TBC1D23: variants seen among roughly 807,000 people sequenced by gnomAD.
The protein encoded by TBC1D23 is TBC1 domain family member 23.
A neutral mutation model predicts 91.4 loss-of-function variants in TBC1D23; 55 were observed. The ratio of observed to expected loss-of-function variants is 0.60; its 90% CI spans 0.48 to 0.75. The LOEUF (loss-of-function observed/expected upper bound fraction) is 0.75. TBC1D23 is among the 30% of genes least tolerant of loss of function. The pLI is 0.00. For synonymous variants in TBC1D23, 289 were observed against 281.0 expected (o/e 1.03, Z -0.28); for missense variants, 725 against 836.1 (o/e 0.87, Z 1.64).
chr3:100,320,531 TTTA>T (rs1297918940), intron 17 of TBC1D23, among the ~76,000 whole-genome samples: 2 of 152,108 alleles, frequency 1.3e-5, no homozygotes, highest in Non-Finnish European at 2.9e-5. Flanking sequence ...TATGGAACTT[TTTA>T]TTATATTTAT....
At chr3:100,297,872 A>G (rs759217634) in intron 8 of TBC1D23, 51 bp from the exon 9 acceptor site, 4 of 1,455,030 alleles carry the variant, frequency 2.7e-6, no homozygotes, top group Non-Finnish European at 2.8e-6. Flanking sequence ...ATTTTTAGGA[A>G]GAAAGTTTGA....
chr3:100,280,553 C>T (rs2067685583), intron 2 of TBC1D23, among the ~76,000 whole-genome samples: 1 of 152,096 alleles, frequency 6.6e-6, no homozygotes, highest in Admixed American at 6.6e-5. Flanking sequence ...TGTTACCTAC[C>T]ACCTATAGGT....
At position 100,324,549 on chromosome 3, in the gene TBC1D23, C is replaced by G. The variant is rs924535522; in HGVS notation, c.*881C>G. On this transcript the variant is annotated 3_prime_UTR_variant, in exon 19 of 19. Transcript: ENST00000394144. ...ACAGTAATATCCACTTATATAAATG[C>G]CAAATAATCAGAGAGCTTATAAAGT... The G allele has an allele frequency of 6.6e-6, 1 of 152,116 alleles. No homozygotes were observed. Among genetic ancestry groups the G allele is most frequent in the Admixed American group, 6.5e-5 (1 of 15,270 alleles). 9.4% of individuals were successfully genotyped at this position (152,116 alleles called of 1,614,324 possible).
In TBC1D23 at chr3:100,260,992, G is replaced by C. The variant is rs767667515; in HGVS notation, c.-27G>C. On this transcript the variant is annotated 5_prime_UTR_variant, in exon 1 of 19. Coordinates refer to ENST00000394144, the MANE Select transcript of TBC1D23 (RefSeq NM_001199198.3). ...GGTCTCAGCGCCGGATCCACTTTTC[G>C]GCAAAGTGACGTGGACGTCAACAGC... is the stretch of plus-strand genomic sequence containing the variant. 12 of 1,610,584 alleles carry C rather than the reference G, an allele frequency of 7.5e-6. No individual in the cohort carries two copies. The South Asian group carries it at 1.1e-4, about 15-fold the overall frequency.
At chr3:100,299,850 A>G (rs1000033394) in intron 10 of TBC1D23, among the ~76,000 whole-genome samples, 2 of 152,214 alleles carry the variant, frequency 1.3e-5, no homozygotes. Flanking sequence ...GTTGAAAACA[A>G]TGCTCACTAT....
chr3:100,305,230 G>A (rs998945336), intron 12 of TBC1D23, among the ~76,000 whole-genome samples: 4 of 152,120 alleles, frequency 2.6e-5, no homozygotes, highest in Non-Finnish European at 4.4e-5. Flanking sequence ...ACTTTTTATA[G>A]TATACCCTTT....
At chr3:100,271,196 A>G (rs1262195479) in intron 1 of TBC1D23, among the ~76,000 whole-genome samples, 1 of 152,162 alleles carries the variant, frequency 6.6e-6, no homozygotes, top group Non-Finnish European at 1.5e-5. Context: ...GGTGAGGATC[A>G]AAGAGGGATG....
chr3:100,318,677 G>A (rs1389286244), intron 16 of TBC1D23, among the ~76,000 whole-genome samples: 2 of 146,748 alleles, frequency 1.4e-5, no homozygotes, highest in Non-Finnish European at 3.0e-5. Context: ...TTTTGAGACA[G>A]TCTCATTCTG....
rs936389230 is a variant in TBC1D23 at position 100,311,844 on chromosome 3, A to G, written c.1565A>G (p.Asn522Ser). ...TSTPVDRMSF[N>S]LPWPDRSCTE... ...TTGATTTGCTATAGAATGTCTTTCA[A>G]TCTTCCTTGGCCAGACAGATCATGT... The change falls in exon 15 of 19, where the codon AAT becomes AGT. Residue 522 changes from asparagine (N) to serine (S), a missense_variant. Physicochemically the swap from Asn to Ser is conservative, Grantham distance 46 (BLOSUM62 1). Coordinates refer to ENST00000394144, the MANE Select transcript of TBC1D23 (RefSeq NM_001199198.3). 7.8e-6 allele frequency: 12 copies of G among 1,535,198 alleles called. 1 individual carries two copies. The highest frequency in any genetic ancestry group is 3.9e-5 in the Admixed American group (2 of 50,980).
At position 100,279,747 on chromosome 3, in the gene TBC1D23, C is replaced by T. The variant is rs1333980072; in HGVS notation, c.152C>T (p.Ala51Val). The T allele has an allele frequency of 2.5e-6, 4 of 1,586,500 alleles. No homozygotes were observed. In the East Asian group the frequency reaches 9.0e-5, roughly 36 times the overall value. ...AGACCGCTGCCTGCTGATCTGAGGG[C>T]CAAAGTTTGGAAGGTAACTAGAAAC... ...QGRPLPADLRAKVWKIALNVA... is the reference protein window; with the variant it reads ...QGRPLPADLRVKVWKIALNVA... Residue 51 changes from alanine (A) to valine (V), a missense_variant, in exon 2 of 19, where the codon GCC becomes GTC. By Grantham distance (64) the Ala-to-Val change is moderately conservative. Transcript: ENST00000394144.
intron 4 of TBC1D23, among the ~76,000 whole-genome samples, chr3:100,284,916 GT>G (rs1489637785): frequency 6.6e-6 from 1 of 152,114 alleles, no homozygotes; most frequent in Non-Finnish European, 1.5e-5. Context: ...CTAGGCATCA[GT>G]TTGTTTAGAG....
chr3:100,265,102 T>TA (rs2067547210), intron 1 of TBC1D23, among the ~76,000 whole-genome samples: 1 of 152,244 alleles, frequency 6.6e-6, no homozygotes, highest in Non-Finnish European at 1.5e-5. Context: ...AAAATATGTG[T>TA]AATTACATGA....
chr3:100,304,414 G>A (rs1705483133), intron 11 of TBC1D23, among the ~76,000 whole-genome samples: 1 of 151,730 alleles, frequency 6.6e-6, no homozygotes, highest in African/African-American at 2.4e-5. Context: ...TATGTTTTTA[G>A]TAGTTTGCAA....
At position 100,299,249 on chromosome 3, in the gene TBC1D23, G is replaced by A. The variant is rs773863314; in HGVS notation, c.1010G>A (p.Arg337Gln). 2.2e-5 allele frequency: 35 copies of A among 1,610,604 alleles called. No individual in the cohort carries two copies. In the South Asian group the frequency reaches 2.3e-4, roughly 11 times the overall value. Residue 337 changes from arginine to glutamine, a missense_variant, in exon 10 of 19, where the codon CGG becomes CAG. Physicochemically the swap from Arg to Gln is conservative, Grantham distance 43 (BLOSUM62 1). Coordinates refer to ENST00000394144, the MANE Select transcript of TBC1D23 (RefSeq NM_001199198.3). ...QANQLQGEGV[R>Q]FFVVDCRPAE... ...TTGTTTCCGTTTTAGGAAGGAGTCC[G>A]GTTCTTTGTGGTGGATTGCCGTCCT...
chr3:100,320,273 G>A (rs190729714), intron 17 of TBC1D23, among the ~76,000 whole-genome samples: 1 of 152,226 alleles, frequency 6.6e-6, no homozygotes, highest in East Asian at 1.9e-4. Flanking sequence ...TTAAAAAGAA[G>A]CTGAGATACA....
At chr3:100,318,790 A>G (rs1268062193) in intron 16 of TBC1D23, among the ~76,000 whole-genome samples, 1 of 151,740 alleles carries the variant, frequency 6.6e-6, no homozygotes, top group African/African-American at 2.4e-5. Context: ...ATTTGAGATT[A>G]CAGGTGTGCA....
At chr3:100,268,457 C>T (rs1405582948) in intron 1 of TBC1D23, among the ~76,000 whole-genome samples, 1 of 152,052 alleles carries the variant, frequency 6.6e-6, no homozygotes, top group Admixed American at 6.6e-5. Context: ...GCATAGTACC[C>T]TTGAGAATTG....
At chr3:100,316,271 G>C (rs1005066818) in intron 16 of TBC1D23, 84 bp downstream of exon 16, 2 of 946,548 alleles carry the variant, frequency 2.1e-6, no homozygotes, top group Non-Finnish European at 3.3e-6. Flanking sequence ...CCAATCAACT[G>C]CTTTTTTAAA....
intron 1 of TBC1D23, among the ~76,000 whole-genome samples, chr3:100,266,780 T>C (rs1409984084): frequency 6.6e-6 from 1 of 152,252 alleles, no homozygotes; most frequent in Non-Finnish European, 1.5e-5. Flanking sequence ...CAGTTAAATA[T>C]ACTGTAATAT....
Sources: gnomAD v4.1 joint callset for allele counts (sites outside exome capture counted in the v4.1 genomes callset) on GRCh38, gnomAD v4.1.1 for gene constraint, MANE v1.5 for transcripts, NCBI Gene and HGNC (gene_info 2026-07-23, HGNC 2026-07-21) for gene names.